Variants in HERC5 observed in about 807,000 individuals in gnomAD.
HERC5 encodes HECT and RLD domain containing E3 ubiquitin protein ligase 5.
HERC5 carries 99 observed loss-of-function variants against 119.6 expected under a neutral mutation model. The observed-to-expected ratio is 0.83, with a 90% CI of 0.70 to 0.98. The LOEUF is 0.98. Ranked by LOEUF, HERC5 falls within the 50% of genes least tolerant of loss-of-function variation. HERC5 has a pLI of 0.00. For missense variants in HERC5, 1,267 were observed against 1,241.3 expected (o/e 1.02, Z -0.31); for synonymous variants, 478 against 445.9 (o/e 1.07, Z -0.91).
Position 88,484,226 on chromosome 4 carries a change from C to G in HERC5, c.1738-1889C>G, listed in dbSNP as rs868825285. On this transcript the variant is annotated intron_variant, in intron 13 of 22. Coordinates refer to ENST00000264350, the MANE Select transcript of HERC5 (RefSeq NM_016323.4). ...AATTTCTTCATTCTTTTCACATTTT[C>G]CTTTTATTTATCTGAATATATATGC... Among the ~76,000 whole-genome samples the G allele has an allele frequency of 3.9e-5, 6 of 152,056 alleles. No individual in the cohort carries two copies. In the South Asian group the frequency reaches 8.3e-4, roughly 21 times the overall value.
chr4:88,471,686 A>T (rs1438515071), intron 10 of HERC5, among the ~76,000 whole-genome samples: 17 of 152,188 alleles, frequency 1.1e-4, no homozygotes, highest in Admixed American at 1.1e-3. Context: ...AAGGTCTTCC[A>T]TGAGAAGATA....
chr4:88,503,145 A>T (rs1741995383), intron 20 of HERC5, among the ~76,000 whole-genome samples: 2 of 152,032 alleles, frequency 1.3e-5, no homozygotes, highest in Non-Finnish European at 2.9e-5. Context: ...TATTTCTCAC[A>T]TTTAGATCTA....
At chr4:88,457,611 G>A (rs1162324009) in intron 1 of HERC5, 77 bp downstream of exon 1, 7 of 1,218,278 alleles carry the variant, frequency 5.7e-6, no homozygotes, top group Middle Eastern at 3.1e-4. Context: ...CGGGCAGCCG[G>A]GGGTCCGCGC....
Position 88,500,958 on chromosome 4 carries a change from G to A in HERC5, c.2555G>A (p.Ser852Asn). 3 of 1,611,924 alleles carry A rather than the reference G, an allele frequency of 1.9e-6. No homozygotes were observed. The highest frequency in any genetic ancestry group is 2.5e-6 in the Non-Finnish European group (3 of 1,179,260). ...RNDTNLIPNG[S>N]SITVNQTNKR... is the part of the protein sequence containing the mutation. The stretch of plus-strand genomic sequence containing the variant: ...GACACAAACTTAATTCCTAATGGAA[G>A]TAGCATAACTGTCAACCAGACTAAC... The change falls in exon 20 of 23, where the codon AGT becomes AAT. Residue 852 changes from serine to asparagine, a missense_variant. Transcript: ENST00000264350.
chr4:88,484,978 C>A (rs1174795672), intron 13 of HERC5, among the ~76,000 whole-genome samples: 1 of 150,976 alleles, frequency 6.6e-6, no homozygotes, highest in Admixed American at 6.6e-5. Context: ...TATCATACTG[C>A]TGAAGAAAAA....
chr4:88,470,508 A>G (rs900771853), intron 9 of HERC5, 106 bp from the exon 10 acceptor site: 7 of 647,444 alleles, frequency 1.1e-5, no homozygotes, highest in Admixed American at 2.8e-5. Context: ...GGTTGGAAGG[A>G]TAGTTATAAG....
At chr4:88,458,206 G>A in intron 1 of HERC5, 2 of 426,154 alleles carry the variant, frequency 4.7e-6, no homozygotes, top group Non-Finnish European at 6.3e-6. Flanking sequence ...AATAAGAATA[G>A]CCTTTTGCAC....
intron 22 of HERC5, among the ~76,000 whole-genome samples, chr4:88,505,151 A>G (rs1463036711): frequency 1.3e-5 from 2 of 152,274 alleles, no homozygotes; most frequent in East Asian, 3.9e-4. Context: ...TTTTGTCCCA[A>G]CCAAATAATC....
chr4:88,469,301 C>A, intron 9 of HERC5, 41 bp downstream of exon 9: 2 of 1,344,796 alleles, frequency 1.5e-6, no homozygotes, highest in Non-Finnish European at 2.1e-6. Flanking sequence ...ATATCACTCT[C>A]AAGTATCATT....
intron 12 of HERC5, among the ~76,000 whole-genome samples, chr4:88,476,835 C>T (rs537321009): frequency 1.3e-5 from 2 of 151,854 alleles, no homozygotes; most frequent in East Asian, 2.0e-4. Context: ...GCAGGAGAAT[C>T]GCTTGACCTG....
chr4:88,478,202 G>GA (rs1344319171), intron 12 of HERC5, among the ~76,000 whole-genome samples: 13 of 152,166 alleles, frequency 8.5e-5, no homozygotes, highest in African/African-American at 3.1e-4. Context: ...TAAGCAACCA[G>GA]AAAGTTAAAT....
At chr4:88,497,092 A>G (rs1469093407) in intron 18 of HERC5, among the ~76,000 whole-genome samples, 2 of 152,212 alleles carry the variant, frequency 1.3e-5, no homozygotes, top group South Asian at 4.1e-4. Flanking sequence ...AACCGTGAGC[A>G]ATAAATTTCT....
In HERC5 at chr4:88,505,713, AAAT is replaced by A; in HGVS notation, c.2915_2917del (p.Asn972del). ...CTGACAGACTACAAATGAAAGATTT[AAAT>A]AATATGAAAATAACATTTTGCTGTC... On this transcript the variant is annotated inframe_deletion, in exon 23 of 23. Transcript: ENST00000264350. The A allele has an allele frequency of 6.3e-7, 1 of 1,591,018 alleles. No homozygotes were observed. The highest frequency in any genetic ancestry group is 8.6e-7 in the Non-Finnish European group (1 of 1,160,054).
At chr4:88,460,456 T>C (rs1449556321) in intron 3 of HERC5, among the ~76,000 whole-genome samples, 3 of 152,270 alleles carry the variant, frequency 2.0e-5, no homozygotes, top group Non-Finnish European at 4.4e-5. Flanking sequence ...TTTCTCTACA[T>C]CTGATCCAGG....
chr4:88,489,313 G>A lies in HERC5; in HGVS notation c.2110G>A (p.Glu704Lys), dbSNP rs1337152328. The A allele has an allele frequency of 6.2e-7, 1 of 1,613,126 alleles. No homozygotes were observed. The highest frequency in any genetic ancestry group is 8.5e-7 in the Non-Finnish European group (1 of 1,179,684). The change falls in exon 16 of 23, where the codon GAA becomes AAA. Residue 704 changes from glutamate (E) to lysine (K), a missense_variant. This residue lies in a region of HERC5 where 473 missense variants were observed against 445.7 expected (regional missense o/e 1.06). Coordinates refer to ENST00000264350, the MANE Select transcript of HERC5 (RefSeq NM_016323.4). ...GAATCAGCTAAGTCAATTTGAGAAT[G>A]AAGACCTGAGGAAAGAGTTATGGGT... ...VLNQLSQFEN[E>K]DLRKELWVSF...
At chr4:88,458,158 C>G (rs1176070263) in intron 1 of HERC5, 6 of 810,846 alleles carry the variant, frequency 7.4e-6, no homozygotes, top group Non-Finnish European at 8.9e-6. Context: ...GTTGTTAAAT[C>G]TTTTTCTTAT....
In HERC5 at chr4:88,494,292, C is replaced by T; in HGVS notation, c.2405C>T (p.Ser802Leu). 1.9e-6 allele frequency: 3 copies of T among 1,613,186 alleles called. No individual in the cohort carries two copies. The highest frequency in any genetic ancestry group is 2.5e-6 in the Non-Finnish European group (3 of 1,179,714). ...AAGAAACTTTTGGACCAAATGCCAT[C>T]ATTGGAAGACTTGAAAGAACTCAGT... ...LFKKLLDQMP[S>L]LEDLKELSPD... Residue 802 changes from serine to leucine, a missense_variant, in exon 18 of 23, where the codon TCA (serine) becomes TTA (leucine). Physicochemically the swap from Ser to Leu is moderately radical, Grantham distance 145 (BLOSUM62 -2). This residue lies in a region of HERC5 where 473 missense variants were observed against 445.7 expected (regional missense o/e 1.06). Coordinates refer to ENST00000264350, the MANE Select transcript of HERC5 (RefSeq NM_016323.4).
At chr4:88,485,191 A>C (rs1179781913) in intron 13 of HERC5, among the ~76,000 whole-genome samples, 1 of 152,258 alleles carries the variant, frequency 6.6e-6, no homozygotes, top group Non-Finnish European at 1.5e-5. Context: ...CAGCAACAAA[A>C]GAAATCTTCA....
chr4:88,497,304 C>A (rs992735056), intron 18 of HERC5, among the ~76,000 whole-genome samples: 2 of 152,122 alleles, frequency 1.3e-5, no homozygotes, highest in Admixed American at 1.3e-4. Flanking sequence ...GAAGAGGAGA[C>A]CTCTAGAGAA....
Sources: gnomAD v4.1 joint callset for allele counts (sites outside exome capture counted in the v4.1 genomes callset) on GRCh38, gnomAD v4.1.1 for gene constraint, gnomAD v4.1.1 regional missense constraint, MANE v1.5 for transcripts, NCBI Gene and HGNC (gene_info 2026-07-23, HGNC 2026-07-21) for gene names.